FHOD3: variants seen among roughly 807,000 people sequenced by gnomAD.
FHOD3 encodes FH1/FH2 domain-containing protein 3.
FHOD3 carries 90 observed loss-of-function variants against 173.0 expected under a neutral mutation model. The ratio of observed to expected loss-of-function variants is 0.52; its 90% CI spans 0.44 to 0.62. FHOD3 has a LOEUF of 0.62. FHOD3 is among the 20% of genes least tolerant of loss of function. The probability of loss-of-function intolerance (pLI) is 0.00; values close to 1 mark genes in which losing one functional copy is unlikely to be tolerated. For missense variants in FHOD3, 1,945 were observed against 2,034.7 expected (o/e 0.96, Z 0.85); for synonymous variants, 828 against 823.0 (o/e 1.01, Z -0.10).
chr18:36,746,808 A>G, intron 23 of FHOD3, 137 bp from the exon 24 acceptor site: 1 of 581,850 alleles, frequency 1.7e-6, no homozygotes, highest in Non-Finnish European at 3.0e-6. Context: ...AATAATTTTT[A>G]GGCTGTAAAT....
intron 6 of FHOD3, among the ~76,000 whole-genome samples, chr18:36,590,668 C>T (rs944873474): frequency 6.6e-6 from 1 of 151,958 alleles, no homozygotes; most frequent in Admixed American, 6.6e-5. Flanking sequence ...TAAAATTATG[C>T]ATCAGAAGAT....
At chr18:36,626,058 G>A (rs2034084632) in intron 10 of FHOD3, among the ~76,000 whole-genome samples, 1 of 152,058 alleles carries the variant, frequency 6.6e-6, no homozygotes, top group South Asian at 2.1e-4. Context: ...TTATCAAATG[G>A]AAAAGACTTC....
intron 7 of FHOD3, among the ~76,000 whole-genome samples, chr18:36,597,991 A>T (rs773010244): frequency 2.6e-5 from 4 of 152,232 alleles, no homozygotes; most frequent in Non-Finnish European, 5.9e-5. Context: ...GGAATTAAAC[A>T]TATAAATATG....
At chr18:36,604,285 G>A (rs2031806997) in intron 8 of FHOD3, among the ~76,000 whole-genome samples, 1 of 152,226 alleles carries the variant, frequency 6.6e-6, no homozygotes, top group African/African-American at 2.4e-5. Context: ...GAAAGATCCA[G>A]AGTCCATTCC....
chr18:36,580,652 T>G (rs75486115), intron 6 of FHOD3, among the ~76,000 whole-genome samples: 1 of 152,066 alleles, frequency 6.6e-6, no homozygotes, highest in African/African-American at 2.4e-5. Flanking sequence ...ACCAATAGAG[T>G]GTCTGCTGAT....
intron 3 of FHOD3, among the ~76,000 whole-genome samples, chr18:36,436,555 T>C (rs533143221): frequency 9.8e-5 from 15 of 152,364 alleles, no homozygotes; most frequent in Admixed American, 3.3e-4. Context: ...TTACGTCCCA[T>C]GATTTAACTG....
At chr18:36,629,089 G>C (rs1193245501) in intron 10 of FHOD3, among the ~76,000 whole-genome samples, 2 of 152,226 alleles carry the variant, frequency 1.3e-5, no homozygotes, top group African/African-American at 2.4e-5. Context: ...ACGTGGAAGA[G>C]TGACCTGGCA....
chr18:36,616,591 T>G (rs887115191), intron 9 of FHOD3, among the ~76,000 whole-genome samples: 1 of 152,188 alleles, frequency 6.6e-6, no homozygotes, highest in Non-Finnish European at 1.5e-5. Context: ...CATTCACAAA[T>G]GAAGCATATT....
chr18:36,663,783 G>T (rs745683964), intron 14 of FHOD3, among the ~76,000 whole-genome samples: 1 of 152,202 alleles, frequency 6.6e-6, no homozygotes, highest in Non-Finnish European at 1.5e-5. Context: ...GTGATGGCCT[G>T]CCAGGCTTGC....
chr18:36,780,081 G>A lies in FHOD3; in HGVS notation c.*551G>A, dbSNP rs187856694. ...ATAATGAGAAACTTTTATTCTTCTG[G>A]GAACAGGACCTTAAACAGTTCCACA... On this transcript the variant is annotated 3_prime_UTR_variant, in exon 29 of 29. Transcript: ENST00000590592. 1 of 1,154,896 alleles carries A rather than the reference G, an allele frequency of 8.7e-7. No homozygotes were observed. The highest frequency in any genetic ancestry group is 3.2e-5 in the East Asian group (1 of 31,362). 71.5% of individuals were successfully genotyped at this position (1,154,896 alleles called of 1,614,324 possible). A position where few individuals can be genotyped will look rare whatever the true frequency, so the allele number is the denominator to read the frequency against.
At chr18:36,341,461 A>C (rs2045614836) in intron 1 of FHOD3, among the ~76,000 whole-genome samples, 2 of 152,232 alleles carry the variant, frequency 1.3e-5, no homozygotes, top group Non-Finnish European at 1.5e-5. Context: ...TGATATTCTA[A>C]GTTGCTTTTC....
intron 1 of FHOD3, among the ~76,000 whole-genome samples, chr18:36,333,454 A>G (rs1251006278): frequency 1.3e-5 from 2 of 152,260 alleles, no homozygotes; most frequent in Non-Finnish European, 2.9e-5. Context: ...AAACCATTGT[A>G]AAGCTAATCC....
chr18:36,656,294 A>G (rs771289317), intron 13 of FHOD3, among the ~76,000 whole-genome samples: 8 of 152,170 alleles, frequency 5.3e-5, no homozygotes, highest in Non-Finnish European at 1.2e-4. Flanking sequence ...AAATTAAACC[A>G]ACACTCACTT....
chr18:36,632,289 A>G (rs1394089530), intron 10 of FHOD3, among the ~76,000 whole-genome samples: 3 of 152,148 alleles, frequency 2.0e-5, no homozygotes, highest in Non-Finnish European at 4.4e-5. Flanking sequence ...TGTAATTTGC[A>G]TTTTTTTATT....
Position 36,538,171 on chromosome 18 carries a change from T to C in FHOD3, c.511+25628T>C, listed in dbSNP as rs374802538. On this transcript the variant is annotated intron_variant, in intron 5 of 28. Coordinates refer to ENST00000590592, the MANE Select transcript of FHOD3 (RefSeq NM_001281740.3). ...TGAAAATACAACATATCAAAACTTA[T>C]GGGATGCAGCAAAAGCAGTGCTGAG... Among the ~76,000 whole-genome samples, 6 of 152,222 alleles carry C rather than the reference T, an allele frequency of 3.9e-5. No individual in the cohort carries two copies. In the East Asian group the frequency reaches 7.7e-4, roughly 20 times the overall value.
intron 28 of FHOD3, chr18:36,777,606 T>A (rs909806067): frequency 1.3e-5 from 2 of 152,242 alleles, no homozygotes; most frequent in Non-Finnish European, 2.9e-5. Flanking sequence ...ATTATCTTTC[T>A]TTAACAAACA....
chr18:36,516,907 A>G (rs950600896), intron 5 of FHOD3, among the ~76,000 whole-genome samples: 1 of 152,086 alleles, frequency 6.6e-6, no homozygotes, highest in Non-Finnish European at 1.5e-5. Context: ...AAACAAAAGC[A>G]TGTGGAGAAT....
At chr18:36,335,352 G>C (rs1026249673) in intron 1 of FHOD3, among the ~76,000 whole-genome samples, 1 of 151,738 alleles carries the variant, frequency 6.6e-6, no homozygotes, top group African/African-American at 2.4e-5. Context: ...AAAATTAGCC[G>C]GGCGTGGTAG....
chr18:36,462,012 G>A (rs2052584753), intron 3 of FHOD3, among the ~76,000 whole-genome samples: 1 of 152,222 alleles, frequency 6.6e-6, no homozygotes, highest in African/African-American at 2.4e-5. Flanking sequence ...AGTATCCACT[G>A]TAGAATAATA....
Sources: gnomAD v4.1 joint callset for allele counts (sites outside exome capture counted in the v4.1 genomes callset) on GRCh38, gnomAD v4.1.1 for gene constraint, MANE v1.5 for transcripts, NCBI Gene and HGNC (gene_info 2026-07-23, HGNC 2026-07-21) for gene names.